INSC: variants seen among roughly 807,000 people sequenced by gnomAD.
INSC encodes the protein INSC spindle orientation adaptor protein.
INSC carries 67 observed loss-of-function variants against 58.6 expected under a neutral mutation model. The ratio of observed to expected loss-of-function variants is 1.14; its 90% confidence interval spans 0.94 to 1.40. INSC has a LOEUF of 1.40. INSC is among the 40% of genes most tolerant of loss of function. INSC has a pLI of 0.00. For synonymous variants in INSC, 262 were observed against 276.1 expected, an observed-to-expected ratio of 0.95 and a Z score of 0.51; for missense variants, 714 against 692.0, an observed-to-expected ratio of 1.03 and a Z score of -0.36.
chr11:15,223,964 T>G (rs1284386142), intron 8 of INSC, among the ~76,000 whole-genome samples: 2 of 152,312 alleles, frequency 1.3e-5, no homozygotes, highest in South Asian at 4.1e-4. Context: ...TTGCTGGGAA[T>G]AAGTCAGAGG....
chr11:15,200,417 CCT>C (rs1850537928), intron 6 of INSC, among the ~76,000 whole-genome samples: 2 of 152,088 alleles, frequency 1.3e-5, no homozygotes, highest in African/African-American at 2.4e-5. Context: ...GTTCCTTCCA[CCT>C]GCCTCAGATT....
At chr11:15,171,701 G>T (rs1032683561) in intron 2 of INSC, among the ~76,000 whole-genome samples, 2 of 152,202 alleles carry the variant, frequency 1.3e-5, no homozygotes, top group Non-Finnish European at 2.9e-5. Context: ...GTGCACTTGT[G>T]TCTTAGAAAA....
chr11:15,240,803 A>G (rs915835555), intron 12 of INSC, among the ~76,000 whole-genome samples: 2 of 152,190 alleles, frequency 1.3e-5, no homozygotes, highest in African/African-American at 2.4e-5. Flanking sequence ...GGAACCTTTG[A>G]GGTTCCTGTG....
At position 15,175,922 on chromosome 11, in the gene INSC, C is replaced by T. The variant is rs200404487; in HGVS notation, c.238C>T (p.Arg80Trp). The T allele has an allele frequency of 4.2e-4, 684 of 1,614,016 alleles. 1 individual carries two copies. Among genetic ancestry groups the T allele is most frequent in the Non-Finnish European group, 5.3e-4 (625 of 1,180,016 alleles). Reference sequence around the variant, plus strand: ...AGACCCCCTGCAGCTGCTGCTCAAACGGGGTTGGGTCATTAGCACAGAGCT... The same window carrying T: ...AGACCCCCTGCAGCTGCTGCTCAAATGGGGTTGGGTCATTAGCACAGAGCT... ...PGDPLQLLLK[R>W]GWVISTELRR... Residue 80 changes from arginine (R) to tryptophan (W), a missense_variant, in exon 3 of 13, where the codon CGG (arginine) becomes TGG (tryptophan). Coordinates refer to ENST00000379556, the MANE Select transcript of INSC (RefSeq NM_001042536.3).
chr11:15,219,774 G>C (rs3110500), intron 7 of INSC, among the ~76,000 whole-genome samples: 43,507 of 152,124 alleles, frequency 0.29, 6,893 homozygotes, highest in Non-Finnish European at 0.36. Flanking sequence ...TCTTAGCAAC[G>C]AGCTTGATCT....
chr11:15,187,834 T>A (rs146223069), intron 5 of INSC, among the ~76,000 whole-genome samples: 1 of 152,316 alleles, frequency 6.6e-6, no homozygotes, highest in African/African-American at 2.4e-5. Flanking sequence ...GAGTGAGGCA[T>A]ATTTTTGAAA....
chr11:15,143,787 A>T (rs1848428654), intron 1 of INSC, among the ~76,000 whole-genome samples: 1 of 151,892 alleles, frequency 6.6e-6, no homozygotes, highest in Admixed American at 6.6e-5. Context: ...AGGGAAAGGG[A>T]TGTATCCAGG....
intron 7 of INSC, among the ~76,000 whole-genome samples, chr11:15,218,922 T>C (rs1016039341): frequency 6.6e-6 from 1 of 152,234 alleles, no homozygotes; most frequent in African/African-American, 2.4e-5. Flanking sequence ...GGTCAAATTT[T>C]ACTTTATTGT....
chr11:15,259,534 T>A, the INSC span, among the ~76,000 whole-genome samples: 1 of 152,218 alleles, frequency 6.6e-6, no homozygotes, highest in East Asian at 1.9e-4. Context: ...ATTGGATTTT[T>A]AAGCAACTTT....
chr11:15,194,113 T>G (rs1278417597), intron 6 of INSC, among the ~76,000 whole-genome samples: 1 of 152,258 alleles, frequency 6.6e-6, no homozygotes, highest in Non-Finnish European at 1.5e-5. Flanking sequence ...AGCTTCATGG[T>G]TAATTTGCCC....
intron 9 of INSC, among the ~76,000 whole-genome samples, chr11:15,230,003 A>AATAT (rs1851846191): frequency 1.5e-3 from 39 of 25,404 alleles, no homozygotes; most frequent in African/African-American, 5.5e-3. Context: ...ATATATATAT[A>AATAT]TATATATATA....
At chr11:15,202,349 ACC>A (rs1392803842) in intron 7 of INSC, among the ~76,000 whole-genome samples, 2 of 152,194 alleles carry the variant, frequency 1.3e-5, no homozygotes, top group Admixed American at 6.5e-5. Flanking sequence ...AAATGAGAGA[ACC>A]AAAAGCCAAA....
At chr11:15,218,165 GA>G (rs1851293792) in intron 7 of INSC, among the ~76,000 whole-genome samples, 1 of 152,130 alleles carries the variant, frequency 6.6e-6, no homozygotes, top group Non-Finnish European at 1.5e-5. Context: ...TAAATGAATT[GA>G]AATTGATTTA....
intron 2 of INSC, among the ~76,000 whole-genome samples, chr11:15,161,198 C>A (rs935245075): frequency 6.6e-6 from 1 of 152,178 alleles, no homozygotes; most frequent in Non-Finnish European, 1.5e-5. Flanking sequence ...CATGCCCATG[C>A]CACAAATTAC....
At chr11:15,112,647 TG>T (rs71044036), upstream of INSC, 884 of 112,052 alleles carry the variant, frequency 7.9e-3, 13 homozygotes, top group Middle Eastern at 0.019. Context: ...TATTGGGAAG[TG>T]GGGGGGGGGC....
intron 1 of INSC, among the ~76,000 whole-genome samples, chr11:15,137,196 T>G (rs1419259519): frequency 6.6e-6 from 1 of 152,222 alleles, no homozygotes; most frequent in Non-Finnish European, 1.5e-5. Flanking sequence ...TAAAACATGC[T>G]ATAAACAGAT....
intron 7 of INSC, among the ~76,000 whole-genome samples, chr11:15,216,683 C>CTGA (rs778480426): frequency 3.3e-5 from 5 of 152,338 alleles, no homozygotes; most frequent in Non-Finnish European, 7.3e-5. Context: ...GGCTGCATGA[C>CTGA]TGATGGATGT....
the INSC span, among the ~76,000 whole-genome samples, chr11:15,260,182 T>A: frequency 6.6e-6 from 1 of 151,558 alleles, no homozygotes; most frequent in Non-Finnish European, 1.5e-5. Flanking sequence ...TTGTTTTTTT[T>A]GTTTTTTTTA....
At chr11:15,113,133 C>CTT (rs762409744), upstream of INSC, among the ~76,000 whole-genome samples, 1 of 125,252 alleles carries the variant, frequency 8.0e-6, no homozygotes, top group Non-Finnish European at 1.7e-5. Context: ...TTCTTTCTTT[C>CTT]TTTCTTTCTT....
Sources: allele counts gnomAD v4.1 joint callset (sites outside exome capture counted in the v4.1 genomes callset), GRCh38; gene constraint gnomAD v4.1.1; transcripts MANE v1.5; gene names NCBI Gene and HGNC (gene_info 2026-07-23, HGNC 2026-07-21).